MYH10: variants seen among roughly 807,000 people sequenced by gnomAD.
MYH10 encodes myosin heavy chain 10, also known as myosin-10.
In MYH10, 55 loss-of-function variants were observed where a neutral mutation model predicts 257.8. The ratio of observed to expected loss-of-function variants is 0.21; its 90% CI spans 0.17 to 0.27. The LOEUF (loss-of-function observed/expected upper bound fraction) is 0.27. MYH10 is among the 10% of genes least tolerant of loss of function. The probability of loss-of-function intolerance (pLI) is 1.00; values close to 1 mark genes in which losing one functional copy is unlikely to be tolerated. For missense variants in MYH10, 1,631 were observed against 2,500.6 expected (o/e 0.65, Z 7.42); for synonymous variants, 854 against 921.7 (o/e 0.93, Z 1.33).
chr17:8,629,045 T>A (rs1443711071), intron 1 of MYH10, among the ~76,000 whole-genome samples: 2 of 152,166 alleles, frequency 1.3e-5, no homozygotes, highest in Non-Finnish European at 2.9e-5. Context: ...ATGGCCACTT[T>A]TCCAGAACCC....
At chr17:8,532,338 A>T (rs1212395484) in intron 16 of MYH10, among the ~76,000 whole-genome samples, 1 of 152,232 alleles carries the variant, frequency 6.6e-6, no homozygotes, top group Non-Finnish European at 1.5e-5. Flanking sequence ...TGTGAGTCAG[A>T]GCTGTGGACT....
chr17:8,603,009 G>C (rs561621501), intron 3 of MYH10, among the ~76,000 whole-genome samples: 19 of 152,270 alleles, frequency 1.2e-4, no homozygotes, highest in South Asian at 4.1e-4. Flanking sequence ...TACTAAAGAG[G>C]AGTTTTCACC....
At position 8,503,208 on chromosome 17, in the gene MYH10, G is replaced by A. The variant is rs961974546; in HGVS notation, c.3599+1486C>T. 4.6e-5 allele frequency among the ~76,000 whole-genome samples: 7 copies of A among 152,152 alleles called. No homozygotes were observed. The South Asian group carries it at 6.2e-4, about 14-fold the overall frequency. ...TGAGGCAGGAAAATCGTTTGAACCC[G>A]GGAGGCGGAGGTTGCAGTGAGCCGA... On this transcript the variant is annotated intron_variant, in intron 28 of 42. Transcript: ENST00000360416.
intron 7 of MYH10, chr17:8,560,620 G>C: frequency 2.2e-6 from 2 of 899,600 alleles, no homozygotes; most frequent in East Asian, 8.3e-5. Context: ...TGGTTATAAG[G>C]GTTCCTGCTT....
At position 8,509,932 on chromosome 17, in the gene MYH10, T is replaced by C. The variant is rs2151869529; in HGVS notation, c.2970A>G (p.Leu990=). 1 of 1,612,340 alleles carries C rather than the reference T, an allele frequency of 6.2e-7. No individual in the cohort carries two copies. Among genetic ancestry groups the C allele is most frequent in the Non-Finnish European group, 8.5e-7 (1 of 1,179,210 alleles). Residue 990 remains leucine, a synonymous_variant, in exon 25 of 43, where the codon CTA becomes CTG. Coordinates refer to ENST00000360416, the MANE Select transcript of MYH10 (RefSeq NM_001256012.3). ...QAHIQDLEEQ[L]DEEEGARQKL... ...TTTGCCGAGCCCCTTCCTCCTCGTC[T>C]AGCTGTTCTTCCAGGTCCTTGTGAA... is the stretch of plus-strand genomic sequence containing the variant.
chr17:8,600,632 G>C (rs575853680), intron 3 of MYH10, among the ~76,000 whole-genome samples: 1 of 152,324 alleles, frequency 6.6e-6, no homozygotes, highest in Non-Finnish European at 1.5e-5. Flanking sequence ...GGCAAGGCTT[G>C]AGGCAGAGAG....
intron 14 of MYH10, among the ~76,000 whole-genome samples, chr17:8,539,535 T>C (rs1410214335): frequency 6.6e-6 from 1 of 152,192 alleles, no homozygotes; most frequent in Non-Finnish European, 1.5e-5. Context: ...TACTATCTCA[T>C]ATCCCCATGG....
chr17:8,560,306 C>A (rs192272299), intron 7 of MYH10, among the ~76,000 whole-genome samples: 18 of 152,170 alleles, frequency 1.2e-4, no homozygotes, highest in Admixed American at 2.0e-4. Flanking sequence ...ACTTTGAATT[C>A]TAGCAACTGT....
intron 24 of MYH10, among the ~76,000 whole-genome samples, 164 bp from the exon 25 acceptor site, chr17:8,510,113 G>A (rs888420366): frequency 6.8e-6 from 1 of 147,496 alleles, no homozygotes; most frequent in East Asian, 2.0e-4. Context: ...ACCTCGGCTC[G>A]CTGCAACCTC....
At chr17:8,561,573 G>A (rs1323230940) in intron 7 of MYH10, 5 of 822,412 alleles carry the variant, frequency 6.1e-6, no homozygotes, top group African/African-American at 1.7e-5. Flanking sequence ...CAAAGCCCAT[G>A]TAAGGAGCTG....
chr17:8,556,379 T>A (rs1437410808), intron 7 of MYH10, among the ~76,000 whole-genome samples: 1 of 152,222 alleles, frequency 6.6e-6, no homozygotes. Flanking sequence ...GTCCACCAAC[T>A]GGTGAATGGA....
intron 7 of MYH10, among the ~76,000 whole-genome samples, chr17:8,568,542 T>C (rs753204657): frequency 1.3e-5 from 2 of 151,022 alleles, no homozygotes; most frequent in Non-Finnish European, 2.9e-5. Context: ...AGAACTGAGG[T>C]CTCTTACTCT....
At chr17:8,618,615 G>A (rs1044640049) in intron 2 of MYH10, among the ~76,000 whole-genome samples, 2 of 152,136 alleles carry the variant, frequency 1.3e-5, no homozygotes, top group South Asian at 4.1e-4. Context: ...ATATTCCACT[G>A]CATCAAAATC....
In MYH10 at chr17:8,495,094, A is replaced by G. The variant is rs763607182; in HGVS notation, c.4056+43T>C. ...TATTTCACCAGCTTATATATTACAG[A>G]AATGTTAGTTATTATAAAGACCCCT... On this transcript the variant is annotated intron_variant, in intron 31 of 42. Coordinates refer to ENST00000360416, the MANE Select transcript of MYH10 (RefSeq NM_001256012.3). 3 of 1,191,034 alleles carry G rather than the reference A, an allele frequency of 2.5e-6. 1 individual carries two copies. The South Asian group carries it at 3.7e-5, about 15-fold the overall frequency. The allele number at this position is 1,191,034 out of a possible 1,614,324, so 73.8% of individuals were successfully genotyped here.
intron 3 of MYH10, among the ~76,000 whole-genome samples, chr17:8,592,758 G>C (rs796774046): frequency 1.7e-4 from 21 of 121,980 alleles, no homozygotes; most frequent in African/African-American, 6.3e-4. Context: ...AAACTGAAGA[G>C]GAAGAAGCAT....
chr17:8,558,154 A>C (rs2082870204), intron 7 of MYH10, among the ~76,000 whole-genome samples: 1 of 152,204 alleles, frequency 6.6e-6, no homozygotes, highest in East Asian at 1.9e-4. Context: ...TTTTTGTTTT[A>C]ATAGGAGAAA....
At chr17:8,559,495 C>CTT (rs554269580) in intron 7 of MYH10, among the ~76,000 whole-genome samples, 2 of 151,630 alleles carry the variant, frequency 1.3e-5, no homozygotes, top group African/African-American at 4.8e-5. Flanking sequence ...TTATTTTATT[C>CTT]TTTTTTTTAG....
chr17:8,574,602 C>G (rs2083446456), intron 6 of MYH10, among the ~76,000 whole-genome samples: 1 of 152,170 alleles, frequency 6.6e-6, no homozygotes, highest in Non-Finnish European at 1.5e-5. Flanking sequence ...CTGACAAAAT[C>G]AGGAGCCTAG....
rs890786196 is a variant in MYH10, at chr17:8,623,614, GA to G, written c.-31-338del. The G allele has an allele frequency of 8.9e-4, 126 of 141,942 alleles. 1 individual carries two copies. Among genetic ancestry groups the G allele is most frequent in the Middle Eastern group, 3.5e-3 (1 of 288 alleles). 8.8% of individuals were successfully genotyped at this position (141,942 alleles called of 1,614,324 possible). ...CAAATTAAACAGGGAGTTAAGAAGGGAAAAAAAAAAAGAAAACAAAGATGGG... is the reference window on the plus strand; with the variant it reads ...CAAATTAAACAGGGAGTTAAGAAGGGAAAAAAAAAAGAAAACAAAGATGGG... On this transcript the variant is annotated intron_variant, in intron 1 of 42. Coordinates refer to ENST00000360416, the MANE Select transcript of MYH10 (RefSeq NM_001256012.3).
Sources: gnomAD v4.1 joint callset for allele counts (sites outside exome capture counted in the v4.1 genomes callset) on GRCh38, gnomAD v4.1.1 for gene constraint, MANE v1.5 for transcripts, NCBI Gene and HGNC (gene_info 2026-07-23, HGNC 2026-07-21) for gene names.